RTL4: variants seen among roughly 807,000 people sequenced by gnomAD.
The protein encoded by RTL4 is retrotransposon Gag like 4.
Under a neutral mutation model 5.3 loss-of-function variants are expected in RTL4, and 4 were observed. That is an observed-to-expected ratio of 0.75 (90% confidence interval 0.37 to 1.72). The LOEUF (loss-of-function observed/expected upper bound fraction) is 1.72. RTL4 is among the 40% of genes most tolerant of loss of function. RTL4 has a pLI of 0.04. For missense variants in RTL4, 260 were observed against 227.1 expected, an observed-to-expected ratio of 1.14 and a Z score of -0.93; for synonymous variants, 98 against 87.3, an observed-to-expected ratio of 1.12 and a Z score of -0.68.
the RTL4 span, among the ~76,000 whole-genome samples, chrX:112,241,575 T>A: frequency 0.012 from 1,301 of 112,280 alleles, 13 homozygotes; most frequent in Non-Finnish European, 0.019. Flanking sequence ...GTTTAAGTTC[T>A]TTGTCGATTC....
At chrX:112,306,914 G>A in the RTL4 span, among the ~76,000 whole-genome samples, 1 of 111,802 alleles carries the variant, frequency 8.9e-6, no homozygotes, top group African/African-American at 3.3e-5. Flanking sequence ...GAAAGATGAG[G>A]AGCTTGTCCT....
chrX:112,113,617 C>T, the RTL4 span, among the ~76,000 whole-genome samples: 7 of 111,151 alleles, frequency 6.3e-5, no homozygotes, highest in African/African-American at 9.8e-5. Context: ...GCGCTTGCTC[C>T]GGGCACCCTC....
At chrX:112,439,653 G>GT in the RTL4 span, among the ~76,000 whole-genome samples, 23 of 112,145 alleles carry the variant, frequency 2.1e-4, no homozygotes, top group African/African-American at 7.4e-4. Flanking sequence ...TGGTTGGAAG[G>GT]TGTTAGGTCA....
the RTL4 span, among the ~76,000 whole-genome samples, chrX:112,224,301 G>C: frequency 2.0e-5 from 2 of 98,191 alleles, 1 homozygote; most frequent in South Asian, 1.0e-3. Context: ...AGACCTTCCA[G>C]ATACATTTAT....
At chrX:112,371,781 C>T in the RTL4 span, among the ~76,000 whole-genome samples, 1 of 111,517 alleles carries the variant, frequency 9.0e-6, no homozygotes, top group Non-Finnish European at 1.9e-5. Flanking sequence ...CTTTGAAACC[C>T]TCTATATCAG....
the RTL4 span, among the ~76,000 whole-genome samples, chrX:112,423,299 C>G: frequency 9.0e-6 from 1 of 110,718 alleles, no homozygotes; most frequent in Non-Finnish European, 1.9e-5. Flanking sequence ...TCCCCAAGTA[C>G]TTAGCTGTCA....
chrX:112,255,197 T>G, the RTL4 span, among the ~76,000 whole-genome samples: 1 of 112,254 alleles, frequency 8.9e-6, no homozygotes, highest in African/African-American at 3.2e-5. Flanking sequence ...ATAGTCTGTG[T>G]GGCTGCAGAA....
chrX:112,453,314 G>T (rs2147894148), upstream of RTL4, among the ~76,000 whole-genome samples: 2 of 112,055 alleles, frequency 1.8e-5, no homozygotes, highest in South Asian at 3.7e-4. Context: ...GCTACACAAG[G>T]AAAGGGCAAT....
At chrX:112,172,831 T>C in the RTL4 span, among the ~76,000 whole-genome samples, 2 of 111,216 alleles carry the variant, frequency 1.8e-5, no homozygotes, top group African/African-American at 6.6e-5. Flanking sequence ...TATGCAGCCA[T>C]AAAAAGAGAT....
chrX:112,101,771 G>A, the RTL4 span, among the ~76,000 whole-genome samples: 1 of 110,673 alleles, frequency 9.0e-6, no homozygotes, highest in Non-Finnish European at 1.9e-5. Flanking sequence ...GGTCATACTG[G>A]ATTAGGGTGG....
the RTL4 span, among the ~76,000 whole-genome samples, chrX:112,097,029 C>T: frequency 4.5e-5 from 5 of 111,985 alleles, no homozygotes; most frequent in African/African-American, 1.6e-4. Flanking sequence ...GGTTATATAA[C>T]AGAATGCAAC....
the RTL4 span, among the ~76,000 whole-genome samples, chrX:112,231,282 T>C: frequency 1.8e-5 from 2 of 110,529 alleles, no homozygotes; most frequent in Non-Finnish European, 1.9e-5. Flanking sequence ...CACATGTTTA[T>C]TGCGGCACTA....
At chrX:112,165,928 G>A in the RTL4 span, among the ~76,000 whole-genome samples, 1 of 112,268 alleles carries the variant, frequency 8.9e-6, no homozygotes, top group Non-Finnish European at 1.9e-5. Context: ...CATTAGAAAT[G>A]GAACATGTGT....
the RTL4 span, among the ~76,000 whole-genome samples, chrX:112,140,539 G>C: frequency 1.8e-5 from 2 of 111,565 alleles, no homozygotes; most frequent in African/African-American, 6.5e-5. Flanking sequence ...TTCAGTGTCT[G>C]GTTAGGGCTT....
chrX:112,173,869 G>A, the RTL4 span, among the ~76,000 whole-genome samples: 1,526 of 110,722 alleles, frequency 0.014, 13 homozygotes, highest in Non-Finnish European at 0.02. Context: ...TGGGTTTAAC[G>A]TCTTTTTGAA....
chrX:112,361,758 C>A, the RTL4 span, among the ~76,000 whole-genome samples: 1 of 110,927 alleles, frequency 9.0e-6, no homozygotes, highest in Non-Finnish European at 1.9e-5. Context: ...TCTTTTCTTG[C>A]TTGCTCGCTC....
At chrX:112,338,781 T>C in the RTL4 span, among the ~76,000 whole-genome samples, 1 of 111,697 alleles carries the variant, frequency 9.0e-6, no homozygotes. Flanking sequence ...CCTCTTTAGT[T>C]GAATGGGCAG....
At chrX:112,310,406 A>G in the RTL4 span, among the ~76,000 whole-genome samples, 1 of 29,505 alleles carries the variant, frequency 3.4e-5, no homozygotes, top group Non-Finnish European at 6.0e-5. Context: ...ATATATATAT[A>G]TATATATATT....
At chrX:112,117,703 A>T in the RTL4 span, among the ~76,000 whole-genome samples, 2 of 111,678 alleles carry the variant, frequency 1.8e-5, no homozygotes, top group Non-Finnish European at 3.8e-5. Flanking sequence ...GGAATGGGGA[A>T]ATGGGCACGT....
Sources: allele counts gnomAD v4.1 joint callset (sites outside exome capture counted in the v4.1 genomes callset), GRCh38; gene constraint gnomAD v4.1.1; transcripts MANE v1.5; gene names NCBI Gene and HGNC (gene_info 2026-07-23, HGNC 2026-07-21).